ZSWIM6: variants seen among roughly 807,000 people sequenced by gnomAD.
The protein encoded by ZSWIM6 is zinc finger SWIM-type containing 6, also known as zinc finger SWIM domain-containing protein 6.
In ZSWIM6, 9 loss-of-function variants were observed where a neutral mutation model predicts 113.2. The observed-to-expected ratio is 0.08, with a 90% CI of 0.05 to 0.14. The LOEUF is 0.14. ZSWIM6 is among the 10% of genes least tolerant of loss of function. The probability of loss-of-function intolerance (pLI) is 1.00; values close to 1 mark genes in which losing one functional copy is unlikely to be tolerated. For missense variants in ZSWIM6, 1,162 were observed against 1,552.2 expected (o/e 0.75, Z 4.22); for synonymous variants, 611 against 606.5 (o/e 1.01, Z -0.11).
At chr5:61,520,568 C>T (rs530367763) in intron 4 of ZSWIM6, among the ~76,000 whole-genome samples, 11 of 152,026 alleles carry the variant, frequency 7.2e-5, no homozygotes, top group African/African-American at 2.7e-4. Context: ...AAATCAGTTC[C>T]TGATTAAATC....
intron 1 of ZSWIM6, among the ~76,000 whole-genome samples, chr5:61,393,398 AC>A (rs917696220): frequency 5.4e-4 from 82 of 152,290 alleles, no homozygotes; most frequent in African/African-American, 2.0e-3. Context: ...GAACAATTCT[AC>A]AATAAACATT....
intron 9 of ZSWIM6, among the ~76,000 whole-genome samples, chr5:61,532,765 CT>C (rs1327582226): frequency 6.6e-6 from 1 of 152,132 alleles, no homozygotes; most frequent in Admixed American, 6.5e-5. Flanking sequence ...TTGAAGCACT[CT>C]CCTGAACCTG....
intron 1 of ZSWIM6, among the ~76,000 whole-genome samples, chr5:61,365,333 C>G (rs1316810080): frequency 7.5e-6 from 1 of 133,956 alleles, no homozygotes; most frequent in Admixed American, 7.9e-5. Context: ...GCCTGGGCGA[C>G]AGAGCGGGAC....
chr5:61,519,195 T>G (rs1022729003), intron 4 of ZSWIM6, among the ~76,000 whole-genome samples: 23 of 152,286 alleles, frequency 1.5e-4, no homozygotes, highest in African/African-American at 5.3e-4. Context: ...CCAATGTCAG[T>G]TAGTTTTCAA....
intron 1 of ZSWIM6, among the ~76,000 whole-genome samples, chr5:61,358,976 CAT>C (rs1184184877): frequency 2.0e-5 from 3 of 152,172 alleles, no homozygotes; most frequent in Non-Finnish European, 4.4e-5. Context: ...TTTAATCTCT[CAT>C]ATGGGGAAGC....
At chr5:61,405,221 A>G (rs1235975573) in intron 1 of ZSWIM6, among the ~76,000 whole-genome samples, 2 of 152,208 alleles carry the variant, frequency 1.3e-5, no homozygotes, top group East Asian at 3.8e-4. Flanking sequence ...GTTTGAAGAT[A>G]TGGTGGGTAT....
At chr5:61,423,785 A>C (rs191289661) in intron 1 of ZSWIM6, among the ~76,000 whole-genome samples, 1 of 152,236 alleles carries the variant, frequency 6.6e-6, no homozygotes, top group Admixed American at 6.5e-5. Flanking sequence ...TTGGAAGCCA[A>C]AAAGACTTCT....
At chr5:61,495,321 A>G (rs1399350982) in intron 4 of ZSWIM6, among the ~76,000 whole-genome samples, 1 of 152,176 alleles carries the variant, frequency 6.6e-6, no homozygotes, top group African/African-American at 2.4e-5. Flanking sequence ...TAGCCGTTTT[A>G]CAAATAAGGA....
intron 1 of ZSWIM6, among the ~76,000 whole-genome samples, chr5:61,403,297 C>G (rs1044117714): frequency 6.6e-6 from 1 of 152,170 alleles, no homozygotes; most frequent in African/African-American, 2.4e-5. Flanking sequence ...TTCTTTATTA[C>G]CAAAATTATA....
chr5:61,511,842 G>A (rs542484662), intron 4 of ZSWIM6, among the ~76,000 whole-genome samples: 1 of 152,222 alleles, frequency 6.6e-6, no homozygotes, highest in East Asian at 1.9e-4. Context: ...AAGGGTTATT[G>A]TAACAAGTTA....
At chr5:61,433,027 G>A (rs567032394) in intron 1 of ZSWIM6, among the ~76,000 whole-genome samples, 13 of 152,278 alleles carry the variant, frequency 8.5e-5, no homozygotes, top group Non-Finnish European at 1.8e-4. Flanking sequence ...AAAAAGGAAG[G>A]AAGGAAACTG....
chr5:61,404,489 T>C (rs1460346407), intron 1 of ZSWIM6, among the ~76,000 whole-genome samples: 1 of 152,208 alleles, frequency 6.6e-6, no homozygotes, highest in Admixed American at 6.5e-5. Flanking sequence ...ATCCCTGTTT[T>C]GCTGTCTTTG....
intron 1 of ZSWIM6, among the ~76,000 whole-genome samples, chr5:61,380,519 T>C (rs971975540): frequency 1.3e-5 from 2 of 152,230 alleles, no homozygotes; most frequent in African/African-American, 4.8e-5. Context: ...GACTTCAAAA[T>C]CTGAGTGTAT....
At chr5:61,384,098 G>A (rs960143276) in intron 1 of ZSWIM6, among the ~76,000 whole-genome samples, 4 of 150,054 alleles carry the variant, frequency 2.7e-5, no homozygotes, top group African/African-American at 4.9e-5. Flanking sequence ...AAAATTAGCC[G>A]GGCGCGGTGG....
intron 1 of ZSWIM6, among the ~76,000 whole-genome samples, chr5:61,430,195 G>A (rs1227154557): frequency 6.6e-6 from 1 of 152,160 alleles, no homozygotes; most frequent in East Asian, 1.9e-4. Context: ...GAAGAAAGGT[G>A]GGAGGTGGCC....
At chr5:61,520,908 C>A (rs1402474869) in intron 4 of ZSWIM6, among the ~76,000 whole-genome samples, 1 of 151,996 alleles carries the variant, frequency 6.6e-6, no homozygotes, top group Admixed American at 6.6e-5. Flanking sequence ...AAATGTCATA[C>A]AAGTAAGAAG....
chr5:61,333,652 TGGC>T (rs150501503), intron 1 of ZSWIM6, among the ~76,000 whole-genome samples: 15,856 of 151,268 alleles, frequency 0.1, 1,145 homozygotes, highest in Admixed American at 0.19. Flanking sequence ...AGAGGAGAGG[TGGC>T]GGCGGACCGG....
Position 61,525,989 on chromosome 5 carries a change from AC to A in ZSWIM6, c.1690+15del. ...CCCCTCTGGCATGGTAAGTGACCAA[AC>A]CGGAAAGACATTTCCATGACTTACT... On this transcript the variant is annotated intron_variant, in intron 6 of 13. Transcript: ENST00000252744. The A allele has an allele frequency of 1.3e-6, 2 of 1,551,700 alleles. No homozygotes were observed. The highest frequency in any genetic ancestry group is 2.4e-5 in the South Asian group (2 of 84,012).
chr5:61,386,496 C>T (rs555354504), intron 1 of ZSWIM6, among the ~76,000 whole-genome samples: 1 of 152,252 alleles, frequency 6.6e-6, no homozygotes, highest in African/African-American at 2.4e-5. Flanking sequence ...AATGGTGAAA[C>T]TCCATGGCTA....
Sources: gnomAD v4.1 joint callset for allele counts (sites outside exome capture counted in the v4.1 genomes callset) on GRCh38, gnomAD v4.1.1 for gene constraint, MANE v1.5 for transcripts, NCBI Gene and HGNC (gene_info 2026-07-23, HGNC 2026-07-21) for gene names.